The following ABCC9 variants were observed in gnomAD, a reference collection of about 807,000 sequenced individuals.
The protein encoded by ABCC9 is ATP binding cassette subfamily C member 9.
Under a neutral mutation model 188.3 loss-of-function variants are expected in ABCC9, and 95 were observed. That is an observed-to-expected ratio of 0.50 (90% CI 0.43 to 0.60). ABCC9 has a LOEUF of 0.60. Ranked by LOEUF, ABCC9 falls within the 20% of genes least tolerant of loss-of-function variation. ABCC9 has a pLI of 0.00. For missense variants in ABCC9, 1,102 were observed against 1,876.3 expected (o/e 0.59, Z 7.62); for synonymous variants, 659 against 652.7 (o/e 1.01, Z -0.15).
chr12:21,933,753 A>C, intron 4 of ABCC9, 29 bp downstream of exon 4: 1 of 1,611,742 alleles, frequency 6.2e-7, no homozygotes, highest in Middle Eastern at 1.7e-4. Context: ...GGTATACTGC[A>C]GTGGTATTAT....
intron 29 of ABCC9, 64 bp downstream of exon 29, chr12:21,842,250 C>T (rs537997882): frequency 6.4e-7 from 1 of 1,557,452 alleles, no homozygotes; most frequent in African/African-American, 1.4e-5. Context: ...TGGCAGAACC[C>T]ATGAATAGAG....
At position 21,844,998 on chromosome 12, in the gene ABCC9, A is replaced by G. The variant is rs541550848; in HGVS notation, c.3097-83T>C. The G allele has an allele frequency of 2.3e-5, 35 of 1,510,664 alleles. No homozygotes were observed. In the African/African-American group the frequency reaches 4.4e-4, roughly 19 times the overall value. 93.6% of individuals were successfully genotyped at this position (1,510,664 alleles called of 1,614,324 possible). ...CTAGAAAACCAAATGTCAATGTCAG[A>G]CAAGATTGTTTTCTTCATTATTTTG... On this transcript the variant is annotated intron_variant, in intron 26 of 39. Coordinates refer to ENST00000261200, the MANE Select transcript of ABCC9 (RefSeq NM_020297.4).
chr12:21,936,598 A>G lies in ABCC9; in HGVS notation c.77T>C (p.Val26Ala), dbSNP rs748812668. The G allele has an allele frequency of 1.2e-6, 2 of 1,613,062 alleles. No individual in the cohort carries two copies. Among genetic ancestry groups the G allele is most frequent in the South Asian group, 2.2e-5 (2 of 91,034 alleles). ...NDGVLQNSCFVDALNLVPHVF... is the reference protein window; with the variant it reads ...NDGVLQNSCFADALNLVPHVF... ...ATGAGGGACCAGGTTGAGGGCATCCACAAAGCAGGAATTTTGTAGTACACC... is the reference window on the plus strand; with the variant it reads ...ATGAGGGACCAGGTTGAGGGCATCCGCAAAGCAGGAATTTTGTAGTACACC... The change falls in exon 3 of 40, where the codon GTG becomes GCG. Residue 26 changes from valine to alanine, a missense_variant. Around this residue, in one of 12 missense-constraint regions of ABCC9, gnomAD observed 305 missense variants for 573.0 expected, o/e 0.53. Transcript: ENST00000261200.
intron 18 of ABCC9, among the ~76,000 whole-genome samples, chr12:21,872,127 T>G (rs1946113681): frequency 6.6e-6 from 1 of 152,192 alleles, no homozygotes; most frequent in Non-Finnish European, 1.5e-5. Context: ...TCAAAGCTAT[T>G]CATATCTCCA....
intron 11 of ABCC9, among the ~76,000 whole-genome samples, chr12:21,907,600 A>G (rs1206600117): frequency 2.0e-5 from 3 of 152,044 alleles, no homozygotes; most frequent in African/African-American, 7.2e-5. Context: ...GACCAGAAAT[A>G]TATTCAGCAA....
intron 14 of ABCC9, among the ~76,000 whole-genome samples, chr12:21,892,181 G>C (rs1301994632): frequency 3.3e-5 from 5 of 152,144 alleles, no homozygotes; most frequent in Non-Finnish European, 5.9e-5. Flanking sequence ...GAAATATACA[G>C]GGATATCCAT....
At chr12:21,928,178 C>T (rs1013908745) in intron 4 of ABCC9, among the ~76,000 whole-genome samples, 9 of 146,950 alleles carry the variant, frequency 6.1e-5, no homozygotes, top group African/African-American at 2.3e-4. Flanking sequence ...CGAGATCACG[C>T]GGCTGCACTC....
At chr12:21,939,544 C>G (rs1949616812) in intron 2 of ABCC9, among the ~76,000 whole-genome samples, 1 of 152,190 alleles carries the variant, frequency 6.6e-6, no homozygotes, top group South Asian at 2.1e-4. Context: ...GTATAAATCG[C>G]TGTTCTTGCT....
Position 21,936,517 on chromosome 12 carries a change from A to T in ABCC9, c.142+16T>A, listed in dbSNP as rs1949493505. On this transcript the variant is annotated intron_variant, in intron 3 of 39. Coordinates refer to ENST00000261200, the MANE Select transcript of ABCC9 (RefSeq NM_020297.4). ...TAAACATCAAATGGTATAACATAAG[A>T]TACTAGATTACTTACCAATAAACAA... The T allele has an allele frequency of 6.2e-7, 1 of 1,601,578 alleles. No individual in the cohort carries two copies. Among genetic ancestry groups the T allele is most frequent in the Admixed American group, 1.7e-5 (1 of 59,746 alleles).
chr12:21,874,229 A>G (rs944163443), intron 17 of ABCC9, among the ~76,000 whole-genome samples: 5 of 152,182 alleles, frequency 3.3e-5, no homozygotes, highest in African/African-American at 2.4e-5. Context: ...AAGAAGTACA[A>G]ATGGCCACCA....
At chr12:21,894,774 C>G (rs74067850) in intron 13 of ABCC9, among the ~76,000 whole-genome samples, 6,782 of 152,170 alleles carry the variant, frequency 0.045, 276 homozygotes, top group African/African-American at 0.1. Flanking sequence ...TCATGCTCAG[C>G]TAATTACATT....
intron 37 of ABCC9, 61 bp downstream of exon 37, chr12:21,809,787 GTAGA>G: frequency 1.1e-6 from 1 of 930,998 alleles, no homozygotes; most frequent in East Asian, 2.4e-5. Context: ...AGCATAAAAC[GTAGA>G]TAGACATATG....
At chr12:21,814,912 A>G (rs945574409) in intron 34 of ABCC9, among the ~76,000 whole-genome samples, 190 bp from the exon 35 acceptor site, 3 of 152,154 alleles carry the variant, frequency 2.0e-5, no homozygotes. Flanking sequence ...GCTGGGCACA[A>G]TGGCTCACAC....
chr12:21,865,074 TGTATTATGAGGAAA>T (rs1945713670), intron 18 of ABCC9, among the ~76,000 whole-genome samples: 1 of 152,126 alleles, frequency 6.6e-6, no homozygotes. Flanking sequence ...TTGTTATGCC[TGTATTATGAGGAAA>T]GACACCTGAA....
In ABCC9 at chr12:21,844,569, T is replaced by C; in HGVS notation, c.3246-17A>G. The C allele has an allele frequency of 6.2e-7, 1 of 1,610,200 alleles. No homozygotes were observed. The highest frequency in any genetic ancestry group is 8.5e-7 in the Non-Finnish European group (1 of 1,176,582). On this transcript the variant is annotated splice_polypyrimidine_tract_variant and intron_variant, in intron 27 of 39. Coordinates refer to ENST00000261200, the MANE Select transcript of ABCC9 (RefSeq NM_020297.4). The stretch of plus-strand genomic sequence containing the variant: ...TCAAAAAACCTAGGCAATAAACAGA[T>C]GGAAGTATATGATAATACTAAACTA...
At chr12:21,931,838 A>G (rs903345514) in intron 4 of ABCC9, among the ~76,000 whole-genome samples, 1 of 152,184 alleles carries the variant, frequency 6.6e-6, no homozygotes, top group East Asian at 1.9e-4. Context: ...TATCCAATTA[A>G]GCTTCTAAAT....
At chr12:21,834,707 T>A (rs1035611688) in intron 30 of ABCC9, among the ~76,000 whole-genome samples, 1 of 151,872 alleles carries the variant, frequency 6.6e-6, no homozygotes, top group Non-Finnish European at 1.5e-5. Context: ...TCCTTTCATA[T>A]ATATATATCC....
chr12:21,912,771 A>AAG, intron 8 of ABCC9, 101 bp downstream of exon 8: 1 of 1,202,506 alleles, frequency 8.3e-7, no homozygotes, highest in Non-Finnish European at 1.2e-6. Context: ...CTCTGAAAAA[A>AAG]AGCCTATTTG....
intron 31 of ABCC9, chr12:21,828,675 T>A (rs1420384186): frequency 3.2e-5 from 13 of 406,230 alleles, no homozygotes; most frequent in East Asian, 5.3e-5. Context: ...GAAAAAAAAA[T>A]TTGAAGTTAT....
Sources: allele counts gnomAD v4.1 joint callset (sites outside exome capture counted in the v4.1 genomes callset), GRCh38; gene constraint gnomAD v4.1.1; regional missense constraint gnomAD v4.1.1; transcripts MANE v1.5; gene names NCBI Gene and HGNC (gene_info 2026-07-23, HGNC 2026-07-21).